ULK2: variants seen among roughly 807,000 people sequenced by gnomAD.
The protein encoded by ULK2 is serine/threonine-protein kinase ULK2.
In ULK2, 76 loss-of-function variants were observed where a neutral mutation model predicts 127.5. That is an observed-to-expected ratio of 0.60 (90% CI 0.50 to 0.72). ULK2 has a LOEUF of 0.72. Among genes scored for constraint, ULK2 ranks in the 30% least tolerant of loss-of-function variants. The probability of loss-of-function intolerance (pLI) is 0.00; values close to 1 mark genes in which losing one functional copy is unlikely to be tolerated. For synonymous variants in ULK2, 452 were observed against 461.9 expected (o/e 0.98, Z 0.28); for missense variants, 1,144 against 1,295.9 (o/e 0.88, Z 1.80).
intron 12 of ULK2, among the ~76,000 whole-genome samples, chr17:19,823,762 T>C (rs1344919884): frequency 6.6e-6 from 1 of 152,190 alleles, no homozygotes; most frequent in Non-Finnish European, 1.5e-5. Flanking sequence ...TGCCAGCGTG[T>C]CTGGCTCTTA....
chr17:19,836,542 T>C (rs969597592), intron 10 of ULK2, among the ~76,000 whole-genome samples: 1 of 151,672 alleles, frequency 6.6e-6, no homozygotes, highest in African/African-American at 2.4e-5. Context: ...ACCTGGGAAG[T>C]TGCAGTGAGC....
chr17:19,781,915 CT>C lies in ULK2; in HGVS notation c.2612del (p.Gln871ArgfsTer5), dbSNP rs897548674. ...YQIQESVVVD[Q>X]ISQLSKDWGR... ...CCCAGTCTTTGCTCAGCTGACTGATCTGGTCCACCACCACACTCTCCTGGAT... is the reference window on the plus strand; with the variant it reads ...CCCAGTCTTTGCTCAGCTGACTGATCGGTCCACCACCACACTCTCCTGGAT... On this transcript the variant is annotated frameshift_variant, in exon 23 of 27. Transcript: ENST00000395544. LOFTEE classifies it high-confidence loss of function. 1 of 1,614,028 alleles carries C rather than the reference CT, an allele frequency of 6.2e-7. No individual in the cohort carries two copies. The highest frequency in any genetic ancestry group is 1.7e-5 in the Admixed American group (1 of 59,988).
At chr17:19,865,922 G>T in intron 1 of ULK2, 94 bp from the exon 2 acceptor site, 1 of 670,314 alleles carries the variant, frequency 1.5e-6, no homozygotes, top group Non-Finnish European at 2.5e-6. Flanking sequence ...GCAAATAAAT[G>T]TACGGCATTG....
At chr17:19,826,055 G>A (rs939930907) in intron 11 of ULK2, 84 bp downstream of exon 11, 1 of 569,164 alleles carries the variant, frequency 1.8e-6, no homozygotes, top group African/African-American at 1.9e-5. Context: ...CACAATAAAA[G>A]ATGAATTTTG....
chr17:19,847,655 T>C (rs2041915516), intron 5 of ULK2, among the ~76,000 whole-genome samples: 1 of 152,160 alleles, frequency 6.6e-6, no homozygotes, highest in Admixed American at 6.5e-5. Flanking sequence ...GTTCAAGAGA[T>C]TCTCCAGCTT....
intron 15 of ULK2, among the ~76,000 whole-genome samples, chr17:19,802,206 CTAAA>C (rs1244876597): frequency 6.6e-6 from 1 of 152,128 alleles, no homozygotes; most frequent in Non-Finnish European, 1.5e-5. Context: ...ACAAAATAAA[CTAAA>C]TATATACTCC....
chr17:19,864,385 G>A (rs900108950), intron 3 of ULK2, among the ~76,000 whole-genome samples: 1 of 151,630 alleles, frequency 6.6e-6, no homozygotes, highest in African/African-American at 2.4e-5. Context: ...TGAGGCAGGA[G>A]AATCGCTTAA....
intron 10 of ULK2, among the ~76,000 whole-genome samples, chr17:19,827,850 C>T (rs1291543807): frequency 1.3e-5 from 2 of 150,684 alleles, no homozygotes; most frequent in East Asian, 2.0e-4. Flanking sequence ...GTGGAGGTTG[C>T]GGTGAGCCGA....
chr17:19,831,943 T>A (rs2041459249), intron 10 of ULK2, among the ~76,000 whole-genome samples: 1 of 152,002 alleles, frequency 6.6e-6, no homozygotes. Flanking sequence ...CTGGCCAACA[T>A]GATGAAACCC....
At chr17:19,820,163 T>A (rs1343615102) in intron 12 of ULK2, among the ~76,000 whole-genome samples, 1 of 151,788 alleles carries the variant, frequency 6.6e-6, no homozygotes, top group Non-Finnish European at 1.5e-5. Flanking sequence ...ATTCTCCTGC[T>A]GCAGCCTCCC....
intron 9 of ULK2, among the ~76,000 whole-genome samples, chr17:19,838,949 T>A (rs542850927): frequency 6.7e-6 from 1 of 149,758 alleles, no homozygotes; most frequent in South Asian, 2.1e-4. Context: ...GAGAATGGCA[T>A]AAACCCGGGA....
chr17:19,817,009 C>A, intron 12 of ULK2, 89 bp from the exon 13 acceptor site: 1 of 1,244,302 alleles, frequency 8.0e-7, no homozygotes, highest in Non-Finnish European at 1.1e-6. Flanking sequence ...TTTTTTTCCC[C>A]CACAAAAGTG....
intron 16 of ULK2, among the ~76,000 whole-genome samples, chr17:19,801,300 G>A (rs1028945589): frequency 1.3e-5 from 2 of 152,184 alleles, no homozygotes; most frequent in Non-Finnish European, 2.9e-5. Flanking sequence ...GGGGCCGGGC[G>A]CGGTGGCTCA....
intron 5 of ULK2, among the ~76,000 whole-genome samples, chr17:19,848,061 G>C (rs768365989): frequency 1.6e-4 from 24 of 152,038 alleles, no homozygotes; most frequent in Non-Finnish European, 2.6e-4. Context: ...ATTTAATAAT[G>C]AAAACTTGTG....
chr17:19,841,595 T>C lies in ULK2; in HGVS notation c.646-48A>G, dbSNP rs766618418. ...ATTTCCTAAACAATGGGGGCAAAAC[T>C]TTCAAATCATATGATTGACACTCAT... On this transcript the variant is annotated intron_variant, in intron 8 of 26. Transcript: ENST00000395544. 2.6e-5 allele frequency: 38 copies of C among 1,445,626 alleles called. No homozygotes were observed. The Admixed American group carries it at 2.9e-4, about 11-fold the overall frequency. The allele number at this position is 1,445,626 out of a possible 1,614,324, so 89.5% of individuals were successfully genotyped here.
At chr17:19,808,090 G>A (rs1417621491) in intron 14 of ULK2, among the ~76,000 whole-genome samples, 1 of 152,106 alleles carries the variant, frequency 6.6e-6, no homozygotes, top group Non-Finnish European at 1.5e-5. Flanking sequence ...TGGGCAACAA[G>A]AGCGAAACTC....
chr17:19,846,608 C>T (rs2041889540), intron 6 of ULK2, 129 bp downstream of exon 6: 1 of 1,096,626 alleles, frequency 9.1e-7, no homozygotes, highest in Non-Finnish European at 1.3e-6. Flanking sequence ...CCACTACACG[C>T]CAGCCTGAGC....
chr17:19,853,665 G>A (rs967005822), intron 3 of ULK2, among the ~76,000 whole-genome samples: 2 of 151,264 alleles, frequency 1.3e-5, no homozygotes, highest in Admixed American at 6.6e-5. Flanking sequence ...TCCACCTCCC[G>A]GGTTCACGCC....
At chr17:19,852,801 TTTG>T (rs1169484249) in intron 3 of ULK2, among the ~76,000 whole-genome samples, 3 of 151,308 alleles carry the variant, frequency 2.0e-5, no homozygotes, top group Admixed American at 2.0e-4. Flanking sequence ...TGGCTAGTTT[TTTG>T]TTGTTGTTGT....
Sources: allele counts gnomAD v4.1 joint callset (sites outside exome capture counted in the v4.1 genomes callset), GRCh38; gene constraint gnomAD v4.1.1; transcripts MANE v1.5; gene names NCBI Gene and HGNC (gene_info 2026-07-23, HGNC 2026-07-21).